CLCN4: variants seen among roughly 807,000 people sequenced by gnomAD.
The protein encoded by CLCN4 is H(+)/Cl(-) exchange transporter 4.
In CLCN4, 1 loss-of-function variant was observed where a neutral mutation model predicts 41.7. The observed-to-expected ratio is 0.02, with a 90% CI of 0.01 to 0.11. The LOEUF (loss-of-function observed/expected upper bound fraction) is 0.11, where lower values mean the gene tolerates loss of function less well. Among genes scored for constraint, CLCN4 ranks in the 10% least tolerant of loss-of-function variants. The pLI, the probability that CLCN4 is intolerant of heterozygous loss-of-function variation, is 1.00. For synonymous variants in CLCN4, 277 were observed against 285.8 expected (o/e 0.97, Z 0.31); for missense variants, 287 against 661.0 (o/e 0.43, Z 6.20).
At chrX:10,176,470 C>A (rs775023288) in intron 2 of CLCN4, among the ~76,000 whole-genome samples, 3 of 112,574 alleles carry the variant, frequency 2.7e-5, no homozygotes, top group Non-Finnish European at 3.8e-5. Context: ...AAAAGATTTC[C>A]CACCTGGACC....
Position 10,158,545 on chromosome X carries a change from A to C in CLCN4, c.-18A>C. The C allele has an allele frequency of 3.4e-6, 1 of 295,621 alleles. No individual in the cohort carries two copies. Among genetic ancestry groups the C allele is most frequent in the Non-Finnish European group, 5.9e-6 (1 of 168,654 alleles). 24.4% of individuals were successfully genotyped at this position (295,621 alleles called of 1,213,427 possible). A position where few individuals can be genotyped will look rare whatever the true frequency, so the allele number is the denominator to read the frequency against. On this transcript the variant is annotated 5_prime_UTR_variant, in exon 2 of 13. Transcript: ENST00000380833. ...TGGGCGGCCGCGGGCGCGATGCGGCACTGCAGGTAAGGGGCGCGCGGCGCC... is the reference window on the plus strand; with the variant it reads ...TGGGCGGCCGCGGGCGCGATGCGGCCCTGCAGGTAAGGGGCGCGCGGCGCC...
Position 10,195,098 on chromosome X carries a change from G to A in CLCN4, c.432G>A (p.Glu144=). ...CGGAGCTGCTGGTGAATCAGTCAGA[G>A]GTGGGTATTTGGGCAGGGTCCTGGC... ...KWSELLVNQS[E]GASAYILNYL... is the part of the protein sequence containing the mutation. The change falls in exon 5 of 13, where the codon GAG becomes GAA. Residue 144 remains glutamate (E), a splice_region_variant and synonymous_variant. Coordinates refer to ENST00000380833, the MANE Select transcript of CLCN4 (RefSeq NM_001830.4). The A allele has an allele frequency of 8.3e-7, 1 of 1,210,468 alleles. No individual in the cohort carries two copies. Among genetic ancestry groups the A allele is most frequent in the Non-Finnish European group, 1.1e-6 (1 of 894,385 alleles).
chrX:10,164,345 T>G (rs1923189460), intron 2 of CLCN4, among the ~76,000 whole-genome samples: 1 of 109,136 alleles, frequency 9.2e-6, no homozygotes, highest in Admixed American at 9.6e-5. Context: ...AGAGTAGGGG[T>G]GGGGACAGGT....
intron 7 of CLCN4, 49 bp downstream of exon 7, chrX:10,206,613 C>A (rs765415382): frequency 8.4e-7 from 1 of 1,192,838 alleles, no homozygotes; most frequent in Non-Finnish European, 1.1e-6. Flanking sequence ...TCTCAAAGCC[C>A]CCTCCTGCTG....
At chrX:10,177,337 A>T (rs2147163684) in intron 2 of CLCN4, among the ~76,000 whole-genome samples, 1 of 112,248 alleles carries the variant, frequency 8.9e-6, no homozygotes, top group South Asian at 3.7e-4. Flanking sequence ...TCACAGAAAA[A>T]GTTTGGTGGC....
At position 10,184,544 on chromosome X, in the gene CLCN4, CT is replaced by C. The variant is rs1386638817; in HGVS notation, c.-11-477del. On this transcript the variant is annotated intron_variant, in intron 2 of 12. Transcript: ENST00000380833. ...TGTGCTTTTTTTGTTGGTAATTTTG[CT>C]GTTTAAAATGGCCCTGCAATGCAGT... Among the ~76,000 whole-genome samples, 12 of 111,501 alleles carry C rather than the reference CT, an allele frequency of 1.1e-4. No individual in the cohort carries two copies. The Admixed American group carries it at 1.1e-3, about 11-fold the overall frequency.
At chrX:10,193,527 G>A (rs1015356370) in intron 4 of CLCN4, among the ~76,000 whole-genome samples, 1 of 111,730 alleles carries the variant, frequency 9.0e-6, no homozygotes, top group Non-Finnish European at 1.9e-5. Flanking sequence ...AAGCAGGAGA[G>A]CATGATGTGG....
At position 10,198,395 on chromosome X, in the gene CLCN4, A is replaced by G. The variant is rs779880228; in HGVS notation, c.555+334A>G. Among the ~76,000 whole-genome samples, 5 of 112,113 alleles carry G rather than the reference A, an allele frequency of 4.5e-5. No homozygotes were observed. In the East Asian group the frequency reaches 1.4e-3, roughly 32 times the overall value. On this transcript the variant is annotated intron_variant, in intron 6 of 12. Coordinates refer to ENST00000380833, the MANE Select transcript of CLCN4 (RefSeq NM_001830.4). ...TCTTTGTAAACCAGGCATAACTCTT[A>G]AAGCCTGTGGAATCAGAGTTCATTA... is the stretch of plus-strand genomic sequence containing the variant.
intron 2 of CLCN4, among the ~76,000 whole-genome samples, chrX:10,172,064 C>T (rs1923397633): frequency 8.9e-6 from 1 of 112,316 alleles, no homozygotes; most frequent in Middle Eastern, 4.2e-3. Flanking sequence ...ATACAAATTC[C>T]CAGATGCCAG....
At chrX:10,198,123 G>A (rs753261049) in intron 6 of CLCN4, 62 bp downstream of exon 6, 3 of 1,095,209 alleles carry the variant, frequency 2.7e-6, no homozygotes, top group African/African-American at 3.7e-5. Context: ...CTGTAGCACT[G>A]TCATGCCAAG....
chrX:10,158,390 C>T lies in CLCN4; in HGVS notation c.-173C>T, dbSNP rs1305711418. 3.4e-6 allele frequency: 1 copy of T among 297,078 alleles called. No individual in the cohort carries two copies. The highest frequency in any genetic ancestry group is 2.7e-5 in the African/African-American group (1 of 37,149). The allele number at this position is 297,078 out of a possible 1,213,427, so 24.5% of individuals were successfully genotyped here. ...CTCCCGGGACTTCCAGGGTCTTCCC[C>T]CCACCCCGCGCACACCTCCCTGCCT... On this transcript the variant is annotated 5_prime_UTR_variant, in exon 2 of 13. Transcript: ENST00000380833.
intron 11 of CLCN4, among the ~76,000 whole-genome samples, chrX:10,216,918 T>TATATATATATAC (rs773265490): frequency 7.7e-5 from 3 of 38,927 alleles, no homozygotes; most frequent in African/African-American, 1.1e-4. Context: ...TATATATATA[T>TATATATATATAC]ACACACACAC....
intron 2 of CLCN4, among the ~76,000 whole-genome samples, chrX:10,163,761 G>A (rs192492591): frequency 1.7e-3 from 188 of 112,052 alleles, no homozygotes; most frequent in Non-Finnish European, 2.1e-3. Flanking sequence ...TCTAGGCCAG[G>A]GTTTCTCAAC....
chrX:10,166,994 G>C (rs866821044), intron 2 of CLCN4, among the ~76,000 whole-genome samples: 1 of 112,509 alleles, frequency 8.9e-6, no homozygotes, highest in Non-Finnish European at 1.9e-5. Context: ...CAGCTGCCTA[G>C]TCCTATGGAA....
chrX:10,185,303 C>A, intron 3 of CLCN4, 127 bp downstream of exon 3: 1 of 662,138 alleles, frequency 1.5e-6, no homozygotes, highest in Non-Finnish European at 2.2e-6. Context: ...AAGAAAAGAG[C>A]CAGTGGGAGG....
chrX:10,177,454 T>G (rs910154489), intron 2 of CLCN4, among the ~76,000 whole-genome samples: 1 of 112,189 alleles, frequency 8.9e-6, no homozygotes, highest in African/African-American at 3.3e-5. Flanking sequence ...ATTTCATTTC[T>G]TTAAAGTTCA....
At chrX:10,211,130 G>T (rs1924535967) in intron 9 of CLCN4, among the ~76,000 whole-genome samples, 1 of 106,275 alleles carries the variant, frequency 9.4e-6, no homozygotes, top group Non-Finnish European at 1.9e-5. Context: ...GCTGGGCGTG[G>T]TGACACACGC....
chrX:10,215,830 C>G (rs1020587717), intron 11 of CLCN4, among the ~76,000 whole-genome samples: 1 of 111,975 alleles, frequency 8.9e-6, no homozygotes, highest in Non-Finnish European at 1.9e-5. Context: ...CTTCTCGAAG[C>G]TATGTTTGGA....
intron 2 of CLCN4, among the ~76,000 whole-genome samples, chrX:10,184,426 G>T (rs1923759404): frequency 8.9e-6 from 1 of 111,833 alleles, no homozygotes; most frequent in African/African-American, 3.3e-5. Flanking sequence ...GCTGAGGTCT[G>T]AGAAGGCGAT....
Sources: gnomAD v4.1 joint callset for allele counts (sites outside exome capture counted in the v4.1 genomes callset) on GRCh38, gnomAD v4.1.1 for gene constraint, MANE v1.5 for transcripts, NCBI Gene and HGNC (gene_info 2026-07-23, HGNC 2026-07-21) for gene names.